The following NELL2 variants were observed in gnomAD, a reference collection of about 807,000 sequenced individuals.
NELL2 encodes the protein protein kinase C-binding protein NELL2.
NELL2 carries 41 observed loss-of-function variants against 109.6 expected under a neutral mutation model. The ratio of observed to expected loss-of-function variants is 0.37; its 90% CI spans 0.29 to 0.49. NELL2 has a LOEUF of 0.49. Ranked by LOEUF, NELL2 falls within the 20% of genes least tolerant of loss-of-function variation. The pLI is 0.98. For synonymous variants in NELL2, 355 were observed against 344.7 expected (o/e 1.03, Z -0.33); for missense variants, 900 against 1,008.3 (o/e 0.89, Z 1.45).
At chr12:44,882,950 C>T (rs1013152540) in intron 1 of NELL2, among the ~76,000 whole-genome samples, 4 of 149,208 alleles carry the variant, frequency 2.7e-5, no homozygotes, top group Admixed American at 6.8e-5. Flanking sequence ...AAGCAATTCT[C>T]CTGCCTTGGC....
At chr12:44,668,578 T>C (rs1363127978) in intron 12 of NELL2, among the ~76,000 whole-genome samples, 2 of 151,262 alleles carry the variant, frequency 1.3e-5, no homozygotes, top group Non-Finnish European at 3.0e-5. Context: ...ACGTGCACTA[T>C]CACAATCTGG....
rs140846882 is a variant in NELL2, at chr12:44,811,393, T to G, written c.335+4593A>C. Among the ~76,000 whole-genome samples the G allele has an allele frequency of 2.6e-3, 359 of 136,362 alleles. 1 individual carries two copies. The highest frequency in any genetic ancestry group is 9.2e-3 in the African/African-American group (332 of 36,008). The allele number at this position is 136,362 out of a possible 152,430, so 89.5% of individuals were successfully genotyped here. Reference sequence around the variant, plus strand: ...ATTATATGTTAGAATGCCAAAAAACTGGCACAAATTTTTTAAATACATTGG... The same window carrying G: ...ATTATATGTTAGAATGCCAAAAAACGGGCACAAATTTTTTAAATACATTGG... On this transcript the variant is annotated intron_variant, in intron 3 of 19. Coordinates refer to ENST00000429094, the MANE Select transcript of NELL2 (RefSeq NM_001145108.2).
chr12:44,646,935 G>A (rs1250111688), intron 13 of NELL2, among the ~76,000 whole-genome samples: 1 of 151,972 alleles, frequency 6.6e-6, no homozygotes, highest in Non-Finnish European at 1.5e-5. Context: ...CATAAAATGG[G>A]GATAGCAATA....
intron 15 of NELL2, among the ~76,000 whole-genome samples, chr12:44,542,553 G>A (rs376617710): frequency 2.5e-4 from 38 of 152,218 alleles, no homozygotes; most frequent in African/African-American, 8.9e-4. Flanking sequence ...GGTCTTTGAA[G>A]ATATGATTAG....
intron 19 of NELL2, among the ~76,000 whole-genome samples, chr12:44,517,059 A>G (rs1319035597): frequency 2.0e-5 from 3 of 151,642 alleles, no homozygotes; most frequent in African/African-American, 7.2e-5. Context: ...TTTAATATTT[A>G]ACACTTTTTC....
intron 13 of NELL2, among the ~76,000 whole-genome samples, chr12:44,655,665 G>T (rs1023699699): frequency 6.6e-6 from 1 of 152,076 alleles, no homozygotes; most frequent in African/African-American, 2.4e-5. Flanking sequence ...CAGAGTACAT[G>T]CTTTTCTAGA....
intron 15 of NELL2, among the ~76,000 whole-genome samples, chr12:44,540,169 T>C (rs183017229): frequency 1.3e-5 from 2 of 152,300 alleles, no homozygotes; most frequent in East Asian, 3.9e-4. Context: ...CTGATTAAAA[T>C]GAAAGACTGA....
intron 15 of NELL2, among the ~76,000 whole-genome samples, chr12:44,599,267 C>T (rs192442349): frequency 3.9e-4 from 60 of 152,116 alleles, no homozygotes; most frequent in Non-Finnish European, 7.6e-4. Flanking sequence ...TAATTTAGAT[C>T]CCCTCGAACT....
chr12:44,691,743 T>C (rs1162341875), intron 12 of NELL2, among the ~76,000 whole-genome samples: 1 of 152,098 alleles, frequency 6.6e-6, no homozygotes. Context: ...AAAGTATGAG[T>C]GGTATGGATG....
At chr12:44,675,943 C>A (rs1210954514) in intron 12 of NELL2, among the ~76,000 whole-genome samples, 1 of 152,054 alleles carries the variant, frequency 6.6e-6, no homozygotes. Context: ...ATGACACTCC[C>A]TTTCCTGCCA....
At chr12:44,801,062 G>C (rs925849897) in intron 3 of NELL2, among the ~76,000 whole-genome samples, 3 of 152,252 alleles carry the variant, frequency 2.0e-5, no homozygotes, top group East Asian at 1.9e-4. Flanking sequence ...CAACTGAAAT[G>C]GTTACAGAAC....
chr12:44,809,516 A>C (rs1463247782), intron 3 of NELL2, among the ~76,000 whole-genome samples: 2 of 152,044 alleles, frequency 1.3e-5, no homozygotes, highest in Non-Finnish European at 2.9e-5. Flanking sequence ...TGGTGAACAT[A>C]CTGAAATGAC....
chr12:44,916,893 G>GATAAGAGAA (rs1234297650), upstream of NELL2, among the ~76,000 whole-genome samples: 1 of 152,128 alleles, frequency 6.6e-6, no homozygotes. Context: ...CATGTTGATT[G>GATAAGAGAA]ATAAGAGAAC....
intron 9 of NELL2, among the ~76,000 whole-genome samples, chr12:44,758,959 A>T (rs966437920): frequency 6.6e-6 from 1 of 152,152 alleles, no homozygotes; most frequent in African/African-American, 2.4e-5. Context: ...TTGAACATAG[A>T]TGGCCTCAGA....
chr12:44,890,818 C>A (rs1052244934), intron 1 of NELL2, among the ~76,000 whole-genome samples: 1 of 152,124 alleles, frequency 6.6e-6, no homozygotes, highest in South Asian at 2.1e-4. Flanking sequence ...GCAATCTCCA[C>A]CTCCTGGGTT....
At chr12:44,573,871 C>G (rs1234260677) in intron 15 of NELL2, among the ~76,000 whole-genome samples, 1 of 152,124 alleles carries the variant, frequency 6.6e-6, no homozygotes, top group Non-Finnish European at 1.5e-5. Flanking sequence ...GGAGACTATA[C>G]CAGTTTCTAG....
At chr12:44,533,704 G>T (rs112740317) in intron 15 of NELL2, among the ~76,000 whole-genome samples, 61 of 152,216 alleles carry the variant, frequency 4.0e-4, no homozygotes, top group African/African-American at 1.5e-3. Context: ...AACACCATCC[G>T]AGTACCTTCC....
chr12:44,711,027 CAG>C (rs1938169730), intron 11 of NELL2, among the ~76,000 whole-genome samples: 1 of 152,072 alleles, frequency 6.6e-6, no homozygotes. Flanking sequence ...AACCAGCACA[CAG>C]AGAGAAATTT....
chr12:44,614,583 T>A (rs1945750875), intron 13 of NELL2, among the ~76,000 whole-genome samples: 1 of 152,086 alleles, frequency 6.6e-6, no homozygotes, highest in Admixed American at 6.6e-5. Context: ...TGGATGCATC[T>A]AAACGCAGAT....
Sources: gnomAD v4.1 joint callset for allele counts (sites outside exome capture counted in the v4.1 genomes callset) on GRCh38, gnomAD v4.1.1 for gene constraint, MANE v1.5 for transcripts, NCBI Gene and HGNC (gene_info 2026-07-23, HGNC 2026-07-21) for gene names.